Variants in GABRA1 observed in about 807,000 individuals in gnomAD.
GABRA1 encodes gamma-aminobutyric acid receptor subunit alpha-1.
In GABRA1, 9 loss-of-function variants were observed where a neutral mutation model predicts 48.9. The ratio of observed to expected loss-of-function variants is 0.18; its 90% confidence interval spans 0.11 to 0.32. GABRA1 has a LOEUF of 0.32. Among genes scored for constraint, GABRA1 ranks in the 10% least tolerant of loss-of-function variants. The pLI is 1.00. For synonymous variants in GABRA1, 210 were observed against 198.7 expected (o/e 1.06, Z -0.48); for missense variants, 285 against 553.8 (o/e 0.51, Z 4.87).
At chr5:161,874,144 T>C (rs909543758) in intron 5 of GABRA1, among the ~76,000 whole-genome samples, 2 of 152,184 alleles carry the variant, frequency 1.3e-5, no homozygotes, top group African/African-American at 4.8e-5. Context: ...TTTTCAATTA[T>C]TTCTTTGGTA....
rs188413299 is a variant in GABRA1, at chr5:161,870,282, C to A, written c.256-2835C>A. 1.4e-3 allele frequency among the ~76,000 whole-genome samples: 212 copies of A among 152,216 alleles called. 3 individuals are homozygous for A. The highest frequency in any genetic ancestry group is 0.011 in the Admixed American group (163 of 15,286). On this transcript the variant is annotated intron_variant, in intron 4 of 9. Transcript: ENST00000393943. ...TAGCTTCCTTAAGAAGGGGCTTTGG[C>A]CAGGCACAGTGGATCACTCCTATAA...
intron 5 of GABRA1, among the ~76,000 whole-genome samples, chr5:161,875,148 T>C (rs1001138930): frequency 2.0e-5 from 3 of 152,160 alleles, no homozygotes; most frequent in African/African-American, 7.2e-5. Flanking sequence ...GAGATGCACT[T>C]AGAACAGGAG....
At chr5:161,858,483 A>G (rs1757735169) in intron 3 of GABRA1, among the ~76,000 whole-genome samples, 1 of 151,676 alleles carries the variant, frequency 6.6e-6, no homozygotes, top group East Asian at 1.9e-4. Flanking sequence ...GCCCCACCAT[A>G]TATACAGGCT....
intron 4 of GABRA1, among the ~76,000 whole-genome samples, chr5:161,866,517 T>C (rs1373891946): frequency 6.6e-6 from 1 of 152,076 alleles, no homozygotes; most frequent in Admixed American, 6.6e-5. Flanking sequence ...ATTTCAAAGA[T>C]ACATTAATTG....
chr5:161,860,020 C>A (rs553964125), intron 3 of GABRA1, among the ~76,000 whole-genome samples: 33 of 151,792 alleles, frequency 2.2e-4, no homozygotes, highest in African/African-American at 7.2e-4. Context: ...CAGACTTTGG[C>A]AAAATGCAAT....
intron 3 of GABRA1, among the ~76,000 whole-genome samples, chr5:161,861,289 T>C (rs750078835): frequency 3.3e-5 from 5 of 151,768 alleles, no homozygotes; most frequent in Non-Finnish European, 7.4e-5. Context: ...CCTACTATGT[T>C]CTCACAACAA....
chr5:161,855,208 A>G (rs1757603624), intron 3 of GABRA1, among the ~76,000 whole-genome samples: 1 of 151,604 alleles, frequency 6.6e-6, no homozygotes, highest in African/African-American at 2.4e-5. Flanking sequence ...CTTCATTTAG[A>G]CAGCACAGAT....
intron 2 of GABRA1, among the ~76,000 whole-genome samples, chr5:161,852,666 T>C (rs573244835): frequency 3.7e-4 from 57 of 152,106 alleles, no homozygotes; most frequent in Admixed American, 3.3e-3. Flanking sequence ...AGATGTTTAA[T>C]TTTGCCAAAA....
At chr5:161,855,270 G>T (rs992064127) in intron 3 of GABRA1, among the ~76,000 whole-genome samples, 12 of 151,542 alleles carry the variant, frequency 7.9e-5, no homozygotes, top group African/African-American at 2.9e-4. Context: ...TCAACTAAAT[G>T]GTTGCATGGA....
chr5:161,892,635 T>A (rs1755143953), intron 8 of GABRA1, among the ~76,000 whole-genome samples: 1 of 152,120 alleles, frequency 6.6e-6, no homozygotes, highest in Non-Finnish European at 1.5e-5. Flanking sequence ...GATGCTTATA[T>A]CTGTATGAGT....
At chr5:161,854,382 A>G in intron 3 of GABRA1, 112 bp downstream of exon 3, 1 of 724,936 alleles carries the variant, frequency 1.4e-6, no homozygotes, top group Non-Finnish European at 2.5e-6. Flanking sequence ...ATGTAATTTA[A>G]TGACAAATCT....
intron 1 of GABRA1, 132 bp from the exon 2 acceptor site, chr5:161,850,664 T>C (rs890318955): frequency 3.3e-5 from 24 of 729,172 alleles, no homozygotes; most frequent in Non-Finnish European, 5.5e-5. Context: ...TTGCTTCCAA[T>C]GAGGTGTCAT....
In GABRA1 at chr5:161,854,096, G is replaced by A. The variant is rs11576003; in HGVS notation, c.75-62G>A. The A allele has an allele frequency of 2.3e-5, 19 of 830,704 alleles. No individual in the cohort carries two copies. The East Asian group carries it at 4.2e-4, about 18-fold the overall frequency. The allele number at this position is 830,704 out of a possible 1,614,324, so 51.5% of individuals were successfully genotyped here. On this transcript the variant is annotated intron_variant, in intron 2 of 9. Coordinates refer to ENST00000393943, the MANE Select transcript of GABRA1 (RefSeq NM_001127644.2). ...AGAAAAACTGAGAAAGGATTTATTT[G>A]GAAAGAGGTTTTAGTAGAAATGTAT...
chr5:161,872,329 A>C (rs73314909), intron 4 of GABRA1: 26,628 of 152,580 alleles, frequency 0.17, 3,063 homozygotes, highest in African/African-American at 0.32. Flanking sequence ...GGGTATTGCC[A>C]TAAGGAATGC....
At chr5:161,893,958 A>C (rs1055247591) in intron 8 of GABRA1, among the ~76,000 whole-genome samples, 10 of 152,190 alleles carry the variant, frequency 6.6e-5, no homozygotes, top group African/African-American at 2.2e-4. Context: ...TAATCTTCTC[A>C]ACTGCTCTTA....
chr5:161,859,345 C>A (rs145572356), intron 3 of GABRA1, among the ~76,000 whole-genome samples: 70 of 151,722 alleles, frequency 4.6e-4, no homozygotes, highest in African/African-American at 1.5e-3. Flanking sequence ...CAAGAGATCT[C>A]AGCTTTAAGA....
intron 8 of GABRA1, among the ~76,000 whole-genome samples, chr5:161,893,013 AATAATAATAATAAT>A (rs1561586222): frequency 1.6e-5 from 1 of 63,150 alleles, no homozygotes; most frequent in East Asian, 6.1e-4. Flanking sequence ...TCAAAAAAAT[AATAATAATAATAAT>A]AATAATAATA....
intron 7 of GABRA1, among the ~76,000 whole-genome samples, chr5:161,883,892 A>T (rs1276884679): frequency 1.3e-5 from 2 of 151,946 alleles, no homozygotes; most frequent in African/African-American, 2.4e-5. Context: ...TTTTTTTTTA[A>T]AAAATGGAAA....
chr5:161,895,652 T>G lies in GABRA1; in HGVS notation c.857-14T>G, dbSNP rs1755328892. On this transcript the variant is annotated splice_polypyrimidine_tract_variant and intron_variant, in intron 8 of 9. Transcript: ENST00000393943. Reference sequence around the variant, plus strand: ...ATGAACTGGCATCATGTATGTTTTTTTTTTTCTTTACAGGAGTAACAACTG... The same window carrying G: ...ATGAACTGGCATCATGTATGTTTTTGTTTTTCTTTACAGGAGTAACAACTG... 1 of 1,611,162 alleles carries G rather than the reference T, an allele frequency of 6.2e-7. No homozygotes were observed.
Sources: gnomAD v4.1 joint callset for allele counts (sites outside exome capture counted in the v4.1 genomes callset) on GRCh38, gnomAD v4.1.1 for gene constraint, MANE v1.5 for transcripts, NCBI Gene and HGNC (gene_info 2026-07-23, HGNC 2026-07-21) for gene names.